CAMK4: variants seen among roughly 807,000 people sequenced by gnomAD.
The protein encoded by CAMK4 is calcium/calmodulin dependent protein kinase IV.
CAMK4 carries 22 observed loss-of-function variants against 44.9 expected under a neutral mutation model. That is an observed-to-expected ratio of 0.49 (90% CI 0.35 to 0.70). CAMK4 has a LOEUF of 0.70. Ranked by LOEUF, CAMK4 falls within the 30% of genes least tolerant of loss-of-function variation. The pLI is 0.01. For missense variants in CAMK4, 498 were observed against 586.8 expected (o/e 0.85, Z 1.56); for synonymous variants, 218 against 215.4 (o/e 1.01, Z -0.11).
intron 5 of CAMK4, among the ~76,000 whole-genome samples, chr5:111,406,459 G>T (rs1196354990): frequency 6.6e-6 from 1 of 152,014 alleles, no homozygotes; most frequent in Non-Finnish European, 1.5e-5. Flanking sequence ...CTTGACCTCT[G>T]ATGATCCACC....
intron 1 of CAMK4, among the ~76,000 whole-genome samples, chr5:111,327,410 G>A (rs1200582915): frequency 6.6e-6 from 1 of 152,062 alleles, no homozygotes; most frequent in African/African-American, 2.4e-5. Flanking sequence ...GTCTGTCGTT[G>A]TGGGACATTT....
At chr5:111,224,267 G>A (rs372340803), upstream of CAMK4, 4 of 474,734 alleles carry the variant, frequency 8.4e-6, no homozygotes, top group Admixed American at 4.8e-5. The surrounding 1 kb of genome is among the most constrained non-coding windows in gnomAD (Gnocchi z 5.7). Flanking sequence ...TCCAGCGGGC[G>A]GCGACTCCGG....
intron 1 of CAMK4, among the ~76,000 whole-genome samples, chr5:111,265,324 G>A (rs1279896832): frequency 6.6e-6 from 1 of 152,102 alleles, no homozygotes; most frequent in African/African-American, 2.4e-5. Context: ...AATGTGGTGT[G>A]GTTTTATACT....
chr5:111,318,130 T>C (rs1434392305), intron 1 of CAMK4, among the ~76,000 whole-genome samples: 2 of 152,122 alleles, frequency 1.3e-5, no homozygotes, highest in Non-Finnish European at 2.9e-5. Flanking sequence ...TGTGGAAGTG[T>C]ATTACATAAT....
chr5:111,244,953 C>G (rs1191052168), intron 1 of CAMK4, among the ~76,000 whole-genome samples: 1 of 151,964 alleles, frequency 6.6e-6, no homozygotes, highest in Non-Finnish European at 1.5e-5. Flanking sequence ...TTTCTAACTC[C>G]AGGAAAAGTG....
intron 8 of CAMK4, among the ~76,000 whole-genome samples, chr5:111,475,056 G>A (rs564709684): frequency 2.0e-5 from 3 of 152,218 alleles, no homozygotes; most frequent in African/African-American, 4.8e-5. Context: ...CCAGCTACTC[G>A]GGAAGCTGAG....
intron 5 of CAMK4, among the ~76,000 whole-genome samples, chr5:111,429,108 C>G (rs537076070): frequency 6.6e-6 from 1 of 151,706 alleles, no homozygotes; most frequent in Non-Finnish European, 1.5e-5. Context: ...CAAACCAAAC[C>G]TAAACTTAGT....
intron 1 of CAMK4, among the ~76,000 whole-genome samples, chr5:111,328,407 A>G (rs952111730): frequency 6.6e-6 from 1 of 152,026 alleles, no homozygotes; most frequent in East Asian, 1.9e-4. Context: ...TGTTTTGGTT[A>G]CTGTAACCTT....
At chr5:111,234,266 G>A (rs1748609263) in intron 1 of CAMK4, among the ~76,000 whole-genome samples, 1 of 152,140 alleles carries the variant, frequency 6.6e-6, no homozygotes, top group Non-Finnish European at 1.5e-5. Context: ...GTGTGTCTTT[G>A]TGCAGAAAGG....
chr5:111,260,413 C>G, intron 1 of CAMK4, among the ~76,000 whole-genome samples: 1 of 152,186 alleles, frequency 6.6e-6, no homozygotes, highest in Non-Finnish European at 1.5e-5. Flanking sequence ...CTCATTGATC[C>G]TCCTCTGCCT....
intron 6 of CAMK4, among the ~76,000 whole-genome samples, chr5:111,448,361 G>C (rs779140446): frequency 5.9e-5 from 9 of 152,200 alleles, no homozygotes; most frequent in Non-Finnish European, 1.2e-4. Flanking sequence ...TCGTGTCACT[G>C]ATGAAAGTCT....
intron 1 of CAMK4, among the ~76,000 whole-genome samples, chr5:111,318,522 G>A (rs1748528932): frequency 6.6e-6 from 1 of 152,138 alleles, no homozygotes; most frequent in Non-Finnish European, 1.5e-5. Context: ...ATTTTGGGGT[G>A]GAAGGTGGGG....
intron 5 of CAMK4, among the ~76,000 whole-genome samples, chr5:111,427,367 G>A (rs960880691): frequency 2.6e-5 from 4 of 152,160 alleles, no homozygotes; most frequent in East Asian, 3.9e-4. Flanking sequence ...TGGGTACTAC[G>A]TCAAGGACCT....
intron 1 of CAMK4, among the ~76,000 whole-genome samples, chr5:111,332,152 C>T (rs1580605511): frequency 1.3e-5 from 2 of 151,470 alleles, no homozygotes; most frequent in African/African-American, 4.8e-5. Context: ...CGTATGTATA[C>T]ATGTGCCATG....
chr5:111,473,134 C>G (rs1210872024), intron 7 of CAMK4, among the ~76,000 whole-genome samples, 177 bp from the exon 8 acceptor site: 1 of 152,128 alleles, frequency 6.6e-6, no homozygotes, highest in African/African-American at 2.4e-5. Flanking sequence ...ACTATAATCT[C>G]TCCTACTAAA....
chr5:111,460,268 T>TTC (rs1754596985), intron 7 of CAMK4, among the ~76,000 whole-genome samples: 1 of 135,034 alleles, frequency 7.4e-6, no homozygotes, highest in Non-Finnish European at 1.6e-5. Context: ...TTCTTTTCTT[T>TTC]TTCTTTTTTT....
At chr5:111,238,538 G>GA (rs1395758365) in intron 1 of CAMK4, among the ~76,000 whole-genome samples, 3 of 143,788 alleles carry the variant, frequency 2.1e-5, no homozygotes, top group Middle Eastern at 3.3e-3. Context: ...TCAGAACTGT[G>GA]AAAAAAATGT....
intron 7 of CAMK4, among the ~76,000 whole-genome samples, chr5:111,469,172 AATATATATATATATATATAT>A (rs1229770102): frequency 1.6e-4 from 5 of 31,970 alleles, no homozygotes; most frequent in Admixed American, 5.0e-4. Context: ...AAAAAAAAAA[AATATATATATATATATATAT>A]ATATATATAT....
chr5:111,446,626 T>C, intron 5 of CAMK4, 60 bp from the exon 6 acceptor site: 1 of 833,230 alleles, frequency 1.2e-6, no homozygotes, highest in Non-Finnish European at 2.0e-6. Context: ...AGATTAAGTA[T>C]AGACATTCGA....
Sources: gnomAD v4.1 joint callset for allele counts (sites outside exome capture counted in the v4.1 genomes callset) on GRCh38, gnomAD v4.1.1 for gene constraint, Gnocchi (gnomAD v3.1) non-coding constraint, MANE v1.5 for transcripts, NCBI Gene and HGNC (gene_info 2026-07-23, HGNC 2026-07-21) for gene names.